The following FGD5 variants were observed in gnomAD, a reference collection of about 807,000 sequenced individuals.
FGD5 encodes the protein FYVE, RhoGEF and PH domain containing 5, also known as FYVE, RhoGEF and PH domain-containing protein 5.
In FGD5, 28 loss-of-function variants were observed where a neutral mutation model predicts 133.4. The observed-to-expected ratio is 0.21, with a 90% CI of 0.16 to 0.29. The LOEUF is 0.29. Among genes scored for constraint, FGD5 ranks in the 10% least tolerant of loss-of-function variants. The probability of loss-of-function intolerance (pLI) is 1.00; values close to 1 mark genes in which losing one functional copy is unlikely to be tolerated. For missense variants in FGD5, 1,858 were observed against 1,895.2 expected, an observed-to-expected ratio of 0.98 and a Z score of 0.36; for synonymous variants, 810 against 776.5, an observed-to-expected ratio of 1.04 and a Z score of -0.72.
intron 2 of FGD5, among the ~76,000 whole-genome samples, chr3:14,876,218 A>T (rs1189554805): frequency 6.6e-6 from 1 of 152,116 alleles, no homozygotes; most frequent in Non-Finnish European, 1.5e-5. Flanking sequence ...GTAATAATAA[A>T]GCGATGCTAA....
chr3:14,870,814 C>T (rs2037592671), intron 2 of FGD5, among the ~76,000 whole-genome samples: 1 of 152,198 alleles, frequency 6.6e-6, no homozygotes, highest in Non-Finnish European at 1.5e-5. Context: ...AGCTCATCCT[C>T]TTCCCATCCC....
intron 1 of FGD5, among the ~76,000 whole-genome samples, chr3:14,863,254 G>A (rs2037434590): frequency 6.6e-6 from 1 of 152,228 alleles, no homozygotes; most frequent in Non-Finnish European, 1.5e-5. Context: ...GTTGCCAATG[G>A]CAAGAGGGAG....
intron 1 of FGD5, among the ~76,000 whole-genome samples, chr3:14,834,978 G>C (rs1358466505): frequency 6.6e-6 from 1 of 152,194 alleles, no homozygotes; most frequent in Admixed American, 6.5e-5. Context: ...AGGATCATCA[G>C]CCCCATTTTA....
At chr3:14,924,957 G>A (rs1309303074) in intron 17 of FGD5, among the ~76,000 whole-genome samples, 3 of 151,824 alleles carry the variant, frequency 2.0e-5, no homozygotes, top group Non-Finnish European at 2.9e-5. Flanking sequence ...AAAATCAGCC[G>A]GGTGTGGTGT....
rs2036506304 is a variant in FGD5, at chr3:14,821,651, A to C, written c.2525+55A>C. 3 of 1,473,766 alleles carry C rather than the reference A, an allele frequency of 2.0e-6. No individual in the cohort carries two copies. The Admixed American group carries it at 7.3e-5, about 36-fold the overall frequency. The allele number at this position is 1,473,766 out of a possible 1,614,324, so 91.3% of individuals were successfully genotyped here. A position where few individuals can be genotyped will look rare whatever the true frequency, so the allele number is the denominator to read the frequency against. ...CGGCAGCTGTAACTGTCCAGGAGGC[A>C]GCGTGGGTGTGGGGGACAGATGGAC... On this transcript the variant is annotated intron_variant, in intron 1 of 19. Transcript: ENST00000285046.
At chr3:14,919,174 C>G (rs2038622643) in intron 13 of FGD5, among the ~76,000 whole-genome samples, 1 of 152,038 alleles carries the variant, frequency 6.6e-6, no homozygotes, top group South Asian at 2.1e-4. Flanking sequence ...AAGTTAAGGC[C>G]AGTAAAAAAT....
chr3:14,851,216 C>A (rs1210904670), intron 1 of FGD5, among the ~76,000 whole-genome samples: 1 of 152,152 alleles, frequency 6.6e-6, no homozygotes, highest in East Asian at 1.9e-4. Flanking sequence ...TACTGTGTTA[C>A]ACAGGTCGTA....
Position 14,917,162 on chromosome 3 carries a change from C to T in FGD5, c.3406-87C>T. ...CTGAGGAATACAAGATGCCTGTGCA[C>T]AGCGGAGCTCAGGGATCCTTTGAGG... On this transcript the variant is annotated intron_variant, in intron 11 of 19. Coordinates refer to ENST00000285046, the MANE Select transcript of FGD5 (RefSeq NM_152536.4). The surrounding 1 kb of genome is among the most constrained non-coding windows in gnomAD (Gnocchi z 4.1). 2 of 1,228,556 alleles carry T rather than the reference C, an allele frequency of 1.6e-6. No homozygotes were observed. Among genetic ancestry groups the T allele is most frequent in the Middle Eastern group, 1.9e-4 (1 of 5,280 alleles). The allele number at this position is 1,228,556 out of a possible 1,614,324, so 76.1% of individuals were successfully genotyped here. A position where few individuals can be genotyped will look rare whatever the true frequency, so the allele number is the denominator to read the frequency against.
At chr3:14,864,758 G>A (rs866645700) in intron 2 of FGD5, among the ~76,000 whole-genome samples, 2 of 152,204 alleles carry the variant, frequency 1.3e-5, no homozygotes, top group Admixed American at 6.5e-5. Context: ...GCTGTCTAGA[G>A]GCTGATGGTG....
At chr3:14,861,050 T>TA (rs1255597564) in intron 1 of FGD5, among the ~76,000 whole-genome samples, 1 of 152,118 alleles carries the variant, frequency 6.6e-6, no homozygotes, top group Non-Finnish European at 1.5e-5. Context: ...TATTATCACT[T>TA]AGGATGATGA....
upstream of FGD5, among the ~76,000 whole-genome samples, chr3:14,817,811 G>T (rs551862912): frequency 2.6e-5 from 4 of 152,330 alleles, no homozygotes; most frequent in East Asian, 7.7e-4. Context: ...CCTAATCTAT[G>T]GGTGGCAGGG....
chr3:14,908,022 G>T (rs1353315136), intron 10 of FGD5, among the ~76,000 whole-genome samples: 1 of 152,212 alleles, frequency 6.6e-6, no homozygotes, highest in Non-Finnish European at 1.5e-5. Context: ...GTGCAGAGTT[G>T]CTGGGAAAAC....
intron 2 of FGD5, among the ~76,000 whole-genome samples, chr3:14,877,818 A>G (rs892788550): frequency 6.6e-6 from 1 of 152,182 alleles, no homozygotes; most frequent in Admixed American, 6.5e-5. Context: ...GCCCTAGGAC[A>G]TTTGGCAGTA....
At chr3:14,863,552 C>A (rs544562955) in intron 1 of FGD5, among the ~76,000 whole-genome samples, 1 of 152,326 alleles carries the variant, frequency 6.6e-6, no homozygotes, top group South Asian at 2.1e-4. Context: ...AGACATGAGA[C>A]TGTCACACCT....
chr3:14,858,919 G>A (rs1349786379), intron 1 of FGD5, among the ~76,000 whole-genome samples: 7 of 152,170 alleles, frequency 4.6e-5, no homozygotes, highest in Non-Finnish European at 7.4e-5. Flanking sequence ...GGGTCGATGG[G>A]AGCAGCCATG....
intron 1 of FGD5, among the ~76,000 whole-genome samples, chr3:14,811,752 G>A (rs891754491): frequency 3.7e-4 from 56 of 152,188 alleles, no homozygotes; most frequent in African/African-American, 1.3e-3. Context: ...CAGTCCTCGG[G>A]ATTCCCAACG....
chr3:14,926,515 C>T (rs924369786), intron 18 of FGD5, among the ~76,000 whole-genome samples: 6 of 152,226 alleles, frequency 3.9e-5, no homozygotes, highest in Admixed American at 1.3e-4. Context: ...CCAGCCATGC[C>T]ACAAAAGAAA....
chr3:14,865,047 T>C (rs11719138), intron 2 of FGD5, among the ~76,000 whole-genome samples: 14,066 of 151,986 alleles, frequency 0.093, 816 homozygotes, highest in East Asian at 0.3. Flanking sequence ...ATATGGGGCT[T>C]AGGCATTTGT....
intron 11 of FGD5, among the ~76,000 whole-genome samples, chr3:14,916,415 G>A (rs1001327411): frequency 3.9e-5 from 6 of 152,156 alleles, no homozygotes; most frequent in Middle Eastern, 3.2e-3. Context: ...CCTGCTGTGG[G>A]GAGAGCTTTA....
Sources: gnomAD v4.1 joint callset for allele counts (sites outside exome capture counted in the v4.1 genomes callset) on GRCh38, gnomAD v4.1.1 for gene constraint, Gnocchi (gnomAD v3.1) non-coding constraint, MANE v1.5 for transcripts, NCBI Gene and HGNC (gene_info 2026-07-23, HGNC 2026-07-21) for gene names.